DLGAP3: variants seen among roughly 807,000 people sequenced by gnomAD.
DLGAP3 encodes the protein DLG associated protein 3.
Under a neutral mutation model 81.2 loss-of-function variants are expected in DLGAP3, and 17 were observed. The observed-to-expected ratio is 0.21, with a 90% CI of 0.14 to 0.31. The LOEUF is 0.31. Ranked by LOEUF, DLGAP3 falls within the 10% of genes least tolerant of loss-of-function variation. DLGAP3 has a pLI of 1.00. For missense variants in DLGAP3, 1,124 were observed against 1,388.0 expected (o/e 0.81, Z 3.02); for synonymous variants, 577 against 587.4 (o/e 0.98, Z 0.26).
intron 8 of DLGAP3, among the ~76,000 whole-genome samples, chr1:34,876,381 T>G (rs7541937): frequency 0.46 from 70,269 of 151,952 alleles, 16,919 homozygotes; most frequent in Non-Finnish European, 0.53. Flanking sequence ...TAAAACCAAA[T>G]TACAGAGAGA....
At chr1:34,890,658 T>C (rs1639297387) in intron 5 of DLGAP3, among the ~76,000 whole-genome samples, 1 of 152,210 alleles carries the variant, frequency 6.6e-6, no homozygotes, top group Non-Finnish European at 1.5e-5. Context: ...CCCTGGTTAG[T>C]AGCCAGCAAG....
intron 1 of DLGAP3, among the ~76,000 whole-genome samples, chr1:34,910,998 T>C (rs1296941110): frequency 6.8e-6 from 1 of 147,584 alleles, no homozygotes; most frequent in Non-Finnish European, 1.5e-5. Flanking sequence ...TTCCCACAAC[T>C]ATTCCAAAGG....
In DLGAP3 at chr1:34,904,947, G is replaced by C. The variant is rs762882846; in HGVS notation, c.437C>G (p.Ala146Gly). Reference protein sequence around the residue: ...FHTLPYQRGPAGAGPGPAPGT... With the variant: ...FHTLPYQRGPGGAGPGPAPGT... The stretch of plus-strand genomic sequence containing the variant: ...TGGCGCTGGCCCGGGCCCTGCCCCT[G>C]CTGGCCCTCGCTGGTATGGTAGTGT... The change falls in exon 3 of 12, where the codon GCA becomes GGA. Residue 146 changes from alanine (A) to glycine (G), a missense_variant. Coordinates refer to ENST00000373347, the MANE Select transcript of DLGAP3 (RefSeq NM_001080418.3). This position sits in a 1 kb window ranked among gnomAD's most constrained non-coding sequence, Gnocchi z 8.1. The C allele has an allele frequency of 1.2e-6, 2 of 1,612,818 alleles. No individual in the cohort carries two copies. Among genetic ancestry groups the C allele is most frequent in the South Asian group, 1.1e-5 (1 of 91,048 alleles).
At chr1:34,913,870 T>C (rs149347222) in intron 1 of DLGAP3, among the ~76,000 whole-genome samples, 1 of 152,248 alleles carries the variant, frequency 6.6e-6, no homozygotes, top group East Asian at 1.9e-4. Context: ...TACCCAGCCT[T>C]GTTCATGATG....
Position 34,885,659 on chromosome 1 carries a change from C to T in DLGAP3, c.1733G>A (p.Arg578His), listed in dbSNP as rs1343492439. 7.0e-6 allele frequency: 10 copies of T among 1,425,776 alleles called. No homozygotes were observed. Among genetic ancestry groups the T allele is most frequent in the Non-Finnish European group, 9.1e-6 (10 of 1,098,362 alleles). The allele number at this position is 1,425,776 out of a possible 1,614,324, so 88.3% of individuals were successfully genotyped here. Residue 578 changes from arginine (R) to histidine (H), a missense_variant, in exon 7 of 12, where the codon CGC becomes CAC. Coordinates refer to ENST00000373347, the MANE Select transcript of DLGAP3 (RefSeq NM_001080418.3). The part of the protein sequence containing the change: ...SFTAAEGPAR[R>H]CSSADGLDGP... ...GTCCAGCCCGTCGGCGGAGCTGCAG[C>T]GCCGGGCGGGGCCCTCGGCCGCCGT...
intron 1 of DLGAP3, among the ~76,000 whole-genome samples, chr1:34,914,728 A>T (rs997008398): frequency 4.6e-5 from 7 of 152,246 alleles, no homozygotes; most frequent in Non-Finnish European, 2.9e-5. Context: ...ATTGCTAACT[A>T]GGGAGAAACT....
rs1639607218 is a variant in DLGAP3 at position 34,909,368 on chromosome 1, G to C, written c.-134-1931C>G. Among the ~76,000 whole-genome samples the C allele has an allele frequency of 3.9e-5, 6 of 152,308 alleles. No homozygotes were observed. In the South Asian group the frequency reaches 1.2e-3, roughly 32 times the overall value. On this transcript the variant is annotated intron_variant, in intron 1 of 11. Transcript: ENST00000373347. Reference sequence around the variant, plus strand: ...AGATCCTACAGGGAAGCCCTGTATAGTGGAAAAGCACAAGTCCTGAGACCA... The same window carrying C: ...AGATCCTACAGGGAAGCCCTGTATACTGGAAAAGCACAAGTCCTGAGACCA...
chr1:34,900,204 G>A lies in DLGAP3; in HGVS notation c.1177C>T (p.Arg393Trp), dbSNP rs768529358. The change falls in exon 4 of 12, where the codon CGG becomes TGG. Residue 393 changes from arginine to tryptophan, a missense_variant. Transcript: ENST00000373347. This position sits in a 1 kb window ranked among gnomAD's most constrained non-coding sequence, Gnocchi z 5.6. ...ATGGCTTTGATGTAGCTGCCGCTCCGCATCCTGCGGCAGGGGATCTCCCCA... is the reference window on the plus strand; with the variant it reads ...ATGGCTTTGATGTAGCTGCCGCTCCACATCCTGCGGCAGGGGATCTCCCCA... Reference protein sequence around the residue: ...KDGEIPCRRMRSGSYIKAMGD... With the variant: ...KDGEIPCRRMWSGSYIKAMGD... The A allele has an allele frequency of 1.9e-6, 3 of 1,614,046 alleles. No individual in the cohort carries two copies. The highest frequency in any genetic ancestry group is 8.5e-7 in the Non-Finnish European group (1 of 1,179,996).
chr1:34,924,805 G>A (rs1227384717), intron 1 of DLGAP3, among the ~76,000 whole-genome samples: 3 of 152,342 alleles, frequency 2.0e-5, no homozygotes, highest in East Asian at 3.9e-4. Flanking sequence ...CTTGGGGGAA[G>A]GGTTCCTAAA....
chr1:34,879,112 G>T (rs144357454), intron 8 of DLGAP3, among the ~76,000 whole-genome samples: 2,005 of 151,762 alleles, frequency 0.013, 21 homozygotes, highest in Admixed American at 0.023. Flanking sequence ...GCTGCGGGGG[G>T]GCATAGTAGG....
chr1:34,866,165 G>A lies in DLGAP3; in HGVS notation c.2858C>T (p.Ala953Val). The change falls in exon 12 of 12, where the codon GCC (alanine) becomes GTC (valine). Residue 953 changes from alanine (A) to valine (V), a missense_variant. Around this residue, in one of 9 missense-constraint regions of DLGAP3, gnomAD observed 133 missense variants for 171.1 expected, o/e 0.78. Coordinates refer to ENST00000373347, the MANE Select transcript of DLGAP3 (RefSeq NM_001080418.3). The part of the protein sequence containing the change: ...ARKRLLAAKR[A>V]ASFRHSSATE... ...GGCCGAGCTGTGGCGGAAGGAAGCG[G>A]CGCGCTTGGCCGCCAGGAGCCGCTT... 1 of 1,596,926 alleles carries A rather than the reference G, an allele frequency of 6.3e-7. No individual in the cohort carries two copies. The highest frequency in any genetic ancestry group is 8.5e-7 in the Non-Finnish European group (1 of 1,178,274).
chr1:34,896,430 T>C (rs1427877278), intron 5 of DLGAP3, among the ~76,000 whole-genome samples: 1 of 151,920 alleles, frequency 6.6e-6, no homozygotes, highest in African/African-American at 2.4e-5. Context: ...CTACTACAAA[T>C]ACAAAACAGT....
At position 34,867,816 on chromosome 1, in the gene DLGAP3, TCCTC is replaced by T. The variant is rs1440779195; in HGVS notation, c.2486-193_2486-190del. Among the ~76,000 whole-genome samples the T allele has an allele frequency of 2.0e-4, 30 of 152,132 alleles. No individual in the cohort carries two copies. Among genetic ancestry groups the T allele is most frequent in the Non-Finnish European group, 4.4e-5 (3 of 68,016 alleles). ...CTCGCTCCACTACACCAAGACTGTA[TCCTC>T]AGACACTGATGTTCCCTCCTTCATA... On this transcript the variant is annotated intron_variant, in intron 9 of 11. Transcript: ENST00000373347. The surrounding 1 kb of genome is among the most constrained non-coding windows in gnomAD (Gnocchi z 4.3).
chr1:34,881,868 T>C (rs1470737948), intron 8 of DLGAP3, among the ~76,000 whole-genome samples: 2 of 152,192 alleles, frequency 1.3e-5, no homozygotes, highest in African/African-American at 4.8e-5. Context: ...AAGATGCTTA[T>C]CCAACTAGGA....
At chr1:34,914,695 T>C (rs1639690091) in intron 1 of DLGAP3, among the ~76,000 whole-genome samples, 2 of 152,234 alleles carry the variant, frequency 1.3e-5, no homozygotes, top group Admixed American at 1.3e-4. Context: ...GTAAAGTATC[T>C]AGCACAGTGC....
At chr1:34,924,707 T>G (rs185443945) in intron 1 of DLGAP3, among the ~76,000 whole-genome samples, 1 of 152,124 alleles carries the variant, frequency 6.6e-6, no homozygotes, top group Non-Finnish European at 1.5e-5. Flanking sequence ...AGGCACAATA[T>G]CATTCTCCAA....
At chr1:34,915,947 C>T (rs1639710735) in intron 1 of DLGAP3, among the ~76,000 whole-genome samples, 1 of 152,154 alleles carries the variant, frequency 6.6e-6, no homozygotes, top group Non-Finnish European at 1.5e-5. Flanking sequence ...CAGGACACCA[C>T]AATTGCCAGC....
At chr1:34,871,197 T>G (rs1441065901) in intron 8 of DLGAP3, among the ~76,000 whole-genome samples, 1 of 152,158 alleles carries the variant, frequency 6.6e-6, no homozygotes, top group African/African-American at 2.4e-5. Context: ...AGACTTCCTG[T>G]ACCAGCATTA....
intron 1 of DLGAP3, among the ~76,000 whole-genome samples, chr1:34,925,722 A>AGCT (rs1639863765): frequency 6.6e-6 from 1 of 152,118 alleles, no homozygotes; most frequent in African/African-American, 2.4e-5. Context: ...GGGCTACCTG[A>AGCT]GCTCAAAGGG....
Sources: allele counts gnomAD v4.1 joint callset (sites outside exome capture counted in the v4.1 genomes callset), GRCh38; gene constraint gnomAD v4.1.1; regional missense constraint gnomAD v4.1.1; non-coding constraint Gnocchi (gnomAD v3.1); transcripts MANE v1.5; gene names NCBI Gene and HGNC (gene_info 2026-07-23, HGNC 2026-07-21).